NUDT5: variants seen among roughly 807,000 people sequenced by gnomAD.
NUDT5 encodes the protein nudix hydrolase 5.
A neutral mutation model predicts 34.1 loss-of-function variants in NUDT5; 21 were observed. The observed-to-expected ratio is 0.62, with a 90% CI of 0.44 to 0.89. The LOEUF (loss-of-function observed/expected upper bound fraction) is 0.89, where lower values mean the gene tolerates loss of function less well. Ranked by LOEUF, NUDT5 falls within the 40% of genes least tolerant of loss-of-function variation. NUDT5 has a pLI of 0.00. For synonymous variants in NUDT5, 85 were observed against 97.6 expected, an observed-to-expected ratio of 0.87 and a Z score of 0.76; for missense variants, 249 against 274.8, an observed-to-expected ratio of 0.91 and a Z score of 0.66.
In NUDT5 at chr10:12,173,943, T is replaced by G; in HGVS notation, c.290-130A>C. Reference sequence around the variant, plus strand: ...GTGCAGTGGTGCGATCTCGGCCCACTGCAACCTCCGCCCGTCCAGGTTTAA... The same window carrying G: ...GTGCAGTGGTGCGATCTCGGCCCACGGCAACCTCCGCCCGTCCAGGTTTAA... On this transcript the variant is annotated intron_variant, in intron 5 of 9. Transcript: ENST00000491614. This position sits in a 1 kb window ranked among gnomAD's most constrained non-coding sequence, Gnocchi z 4.7. 1.5e-6 allele frequency: 1 copy of G among 681,014 alleles called. No homozygotes were observed. Among genetic ancestry groups the G allele is most frequent in the Non-Finnish European group, 2.6e-6 (1 of 379,542 alleles). The allele number at this position is 681,014 out of a possible 1,614,324, so 42.2% of individuals were successfully genotyped here.
chr10:12,193,657 T>C (rs149052944), intron 1 of NUDT5, among the ~76,000 whole-genome samples: 1 of 152,232 alleles, frequency 6.6e-6, no homozygotes, highest in East Asian at 1.9e-4. Context: ...ATTTATTTGA[T>C]GCTGGTTAAA....
chr10:12,173,284 C>T lies in NUDT5; in HGVS notation c.386-418G>A, dbSNP rs1321736770. Among the ~76,000 whole-genome samples the T allele has an allele frequency of 6.6e-6, 1 of 152,208 alleles. No homozygotes were observed. The highest frequency in any genetic ancestry group is 2.4e-5 in the African/African-American group (1 of 41,448). On this transcript the variant is annotated intron_variant, in intron 6 of 9. Coordinates refer to ENST00000491614, the MANE Select transcript of NUDT5 (RefSeq NM_014142.4). This position sits in a 1 kb window ranked among gnomAD's most constrained non-coding sequence, Gnocchi z 4.7. ...ATGGAGTGCACTGGCGTGATCTTGG[C>T]TCACTGCAACCTCTGCCTCCTGGGT...
intron 3 of NUDT5, chr10:12,184,427 A>G (rs997306891): frequency 7.1e-7 from 1 of 1,402,780 alleles, no homozygotes; most frequent in East Asian, 2.5e-5. Context: ...CTACTGACAC[A>G]TATTATGAAA....
At chr10:12,176,637 CAAAT>C (rs1477906599) in intron 5 of NUDT5, among the ~76,000 whole-genome samples, 5 of 152,034 alleles carry the variant, frequency 3.3e-5, no homozygotes, top group Admixed American at 2.0e-4. Context: ...CCACTAATAA[CAAAT>C]AGATGAGATT....
chr10:12,179,697 GA>G (rs1835014924), intron 3 of NUDT5, among the ~76,000 whole-genome samples: 1 of 152,130 alleles, frequency 6.6e-6, no homozygotes, highest in Non-Finnish European at 1.5e-5. Flanking sequence ...ATCTTATCTA[GA>G]AAAAGTGGGC....
chr10:12,180,527 C>T (rs934047352), intron 3 of NUDT5: 5 of 152,196 alleles, frequency 3.3e-5, no homozygotes, highest in Admixed American at 1.3e-4. Context: ...GCATCATTAT[C>T]GTGGTTAAGG....
In NUDT5 at chr10:12,167,655, A is replaced by G. The variant is rs1301841405; in HGVS notation, c.*47T>C. ...GTTGAATACAAAGTCTTAGTGAAGA[A>G]GGCCTGGTGGTCTCGTTTACAAAAA... On this transcript the variant is annotated 3_prime_UTR_variant, in exon 10 of 10. Coordinates refer to ENST00000491614, the MANE Select transcript of NUDT5 (RefSeq NM_014142.4). 6.4e-7 allele frequency: 1 copy of G among 1,555,126 alleles called. No individual in the cohort carries two copies. Among genetic ancestry groups the G allele is most frequent in the Non-Finnish European group, 8.8e-7 (1 of 1,130,658 alleles).
intron 7 of NUDT5, 37 bp downstream of exon 7, chr10:12,172,728 A>G (rs1213011038): frequency 1.1e-5 from 16 of 1,443,164 alleles, no homozygotes; most frequent in Non-Finnish European, 1.6e-5. Flanking sequence ...CACGTAATGC[A>G]ACCACACCAC....
rs1327908215 is a variant in NUDT5, at chr10:12,175,264, G to A, written c.290-1451C>T. On this transcript the variant is annotated intron_variant, in intron 5 of 9. Transcript: ENST00000491614. The surrounding 1 kb of genome is among the most constrained non-coding windows in gnomAD (Gnocchi z 4.8). ...GACCCTGTTAGGCGGAGGTTGCAGTGAGCTGAAATCGTGCCACTGCACTCT... is the reference window on the plus strand; with the variant it reads ...GACCCTGTTAGGCGGAGGTTGCAGTAAGCTGAAATCGTGCCACTGCACTCT... 6.6e-6 allele frequency among the ~76,000 whole-genome samples: 1 copy of A among 152,108 alleles called. No individual in the cohort carries two copies. The highest frequency in any genetic ancestry group is 1.5e-5 in the Non-Finnish European group (1 of 68,034).
Position 12,171,687 on chromosome 10 carries a change from T to A in NUDT5, c.488-779A>T, listed in dbSNP as rs546696265. 3.4e-4 allele frequency among the ~76,000 whole-genome samples: 47 copies of A among 140,038 alleles called. No individual in the cohort carries two copies. Among genetic ancestry groups the A allele is most frequent in the Middle Eastern group, 3.5e-3 (1 of 282 alleles). 91.9% of individuals were successfully genotyped at this position (140,038 alleles called of 152,430 possible). A position where few individuals can be genotyped will look rare whatever the true frequency, so the allele number is the denominator to read the frequency against. On this transcript the variant is annotated intron_variant, in intron 7 of 9. Coordinates refer to ENST00000491614, the MANE Select transcript of NUDT5 (RefSeq NM_014142.4). This position sits in a 1 kb window ranked among gnomAD's most constrained non-coding sequence, Gnocchi z 4.2. ...TGTGCAGTTCAAAAATTAAGATTTATTTTATTTATTTATTTATTTATTTAT... is the reference window on the plus strand; with the variant it reads ...TGTGCAGTTCAAAAATTAAGATTTAATTTATTTATTTATTTATTTATTTAT...
intron 1 of NUDT5, among the ~76,000 whole-genome samples, chr10:12,191,237 A>G (rs1314015538): frequency 1.3e-5 from 2 of 152,080 alleles, no homozygotes; most frequent in African/African-American, 4.8e-5. Flanking sequence ...CAAAAAAATT[A>G]GCCAGGCTTG....
intron 1 of NUDT5, among the ~76,000 whole-genome samples, chr10:12,194,205 T>C (rs986302761): frequency 2.6e-5 from 4 of 152,230 alleles, no homozygotes; most frequent in Non-Finnish European, 5.9e-5. Context: ...GCTGTTAAAG[T>C]ACTGCTCCTC....
intron 3 of NUDT5, among the ~76,000 whole-genome samples, chr10:12,180,679 A>G (rs1225123410): frequency 2.6e-5 from 4 of 152,242 alleles, no homozygotes; most frequent in African/African-American, 7.2e-5. Context: ...ACTGGAAGTC[A>G]GCTCTTCGTC....
intron 5 of NUDT5, 57 bp downstream of exon 5, chr10:12,177,736 C>G: frequency 7.9e-7 from 1 of 1,264,196 alleles, no homozygotes; most frequent in Non-Finnish European, 1.2e-6. Flanking sequence ...AGTTCTCAGG[C>G]TTTACCCTGG....
chr10:12,186,462 T>G, intron 1 of NUDT5, 130 bp from the exon 2 acceptor site: 2 of 606,902 alleles, frequency 3.3e-6, no homozygotes, highest in African/African-American at 1.9e-5. Flanking sequence ...TCTCAGTATG[T>G]GAGGGAACTG....
rs1367236016 is a variant in NUDT5 at position 12,173,711 on chromosome 10, TACCA to T, written c.385+3_385+6del. 1.4e-5 allele frequency: 23 copies of T among 1,608,460 alleles called. No individual in the cohort carries two copies. Among genetic ancestry groups the T allele is most frequent in the Non-Finnish European group, 1.9e-5 (22 of 1,175,060 alleles). On this transcript the variant is annotated splice_donor_5th_base_variant and intron_variant, in intron 6 of 9. Transcript: ENST00000491614. The surrounding 1 kb of genome is among the most constrained non-coding windows in gnomAD (Gnocchi z 4.7). ...CATCACTTGGTGAATTTTCAAGCAA[TACCA>T]ACCTGGAGAACATTCGGCAATGTCC...
At position 12,186,304 on chromosome 10, in the gene NUDT5, C is replaced by G; in HGVS notation, c.-13G>C. On this transcript the variant is annotated 5_prime_UTR_variant, in exon 2 of 10. Transcript: ENST00000491614. ...CTTGGCTCTCCATTTTCAAACGAGTCTTTACAGCCCTCAGGTGAGAAGTTC... is the reference window on the plus strand; with the variant it reads ...CTTGGCTCTCCATTTTCAAACGAGTGTTTACAGCCCTCAGGTGAGAAGTTC... The G allele has an allele frequency of 6.3e-7, 1 of 1,594,512 alleles. No homozygotes were observed. Among genetic ancestry groups the G allele is most frequent in the Non-Finnish European group, 8.6e-7 (1 of 1,161,984 alleles).
chr10:12,184,736 G>A (rs1013516316), intron 3 of NUDT5, among the ~76,000 whole-genome samples, 153 bp downstream of exon 3: 6 of 152,132 alleles, frequency 3.9e-5, no homozygotes, highest in Non-Finnish European at 1.5e-5. Flanking sequence ...AACTATAAAT[G>A]ATGCAAACAT....
chr10:12,194,343 C>T (rs1386201197), intron 1 of NUDT5, among the ~76,000 whole-genome samples: 1 of 152,236 alleles, frequency 6.6e-6, no homozygotes, highest in African/African-American at 2.4e-5. Flanking sequence ...TTTTTACTTT[C>T]TAAGTCAAAT....
Sources: allele counts gnomAD v4.1 joint callset (sites outside exome capture counted in the v4.1 genomes callset), GRCh38; gene constraint gnomAD v4.1.1; non-coding constraint Gnocchi (gnomAD v3.1); transcripts MANE v1.5; gene names NCBI Gene and HGNC (gene_info 2026-07-23, HGNC 2026-07-21).